Variants in GALNTL6 observed in about 807,000 individuals in gnomAD.
GALNTL6 encodes polypeptide N-acetylgalactosaminyltransferase-like 6.
GALNTL6 carries 46 observed loss-of-function variants against 73.7 expected under a neutral mutation model. That is an observed-to-expected ratio of 0.62 (90% CI 0.49 to 0.80). The LOEUF (loss-of-function observed/expected upper bound fraction) is 0.80, where lower values mean the gene tolerates loss of function less well. Among genes scored for constraint, GALNTL6 ranks in the 30% least tolerant of loss-of-function variants. The pLI is 0.00. For synonymous variants in GALNTL6, 259 were observed against 263.7 expected (o/e 0.98, Z 0.17); for missense variants, 604 against 755.0 (o/e 0.80, Z 2.34).
intron 5 of GALNTL6, among the ~76,000 whole-genome samples, chr4:172,377,267 A>C (rs1446880040): frequency 6.6e-6 from 1 of 152,192 alleles, no homozygotes; most frequent in Non-Finnish European, 1.5e-5. Context: ...AGCTAGACAC[A>C]GAGTGCTGAT....
intron 2 of GALNTL6, among the ~76,000 whole-genome samples, chr4:172,147,385 G>A (rs1694022826): frequency 6.6e-6 from 1 of 152,186 alleles, no homozygotes; most frequent in Admixed American, 6.5e-5. Context: ...AATGACCATG[G>A]GTTTGGCCAT....
intron 10 of GALNTL6, among the ~76,000 whole-genome samples, chr4:172,972,285 C>G (rs1750617134): frequency 6.6e-6 from 1 of 152,096 alleles, no homozygotes; most frequent in South Asian, 2.1e-4. Flanking sequence ...ACCATGTCAT[C>G]AATAATGTAG....
At chr4:172,626,249 T>TC (rs1329662850) in intron 5 of GALNTL6, among the ~76,000 whole-genome samples, 1 of 152,136 alleles carries the variant, frequency 6.6e-6, no homozygotes, top group African/African-American at 2.4e-5. Context: ...TAGCCAGCTA[T>TC]CCCAGCAACA....
intron 5 of GALNTL6, among the ~76,000 whole-genome samples, chr4:172,729,066 A>T (rs368692822): frequency 6.6e-6 from 1 of 151,986 alleles, no homozygotes; most frequent in African/African-American, 2.4e-5. Context: ...TAATTTGATT[A>T]TTTGGGTTTT....
intron 2 of GALNTL6, among the ~76,000 whole-genome samples, chr4:172,036,697 G>A (rs1421552518): frequency 6.6e-6 from 1 of 152,110 alleles, no homozygotes; most frequent in East Asian, 1.9e-4. Context: ...GGCAGTCATA[G>A]TCGTATAGCC....
At chr4:172,955,421 C>G (rs1194833395) in intron 10 of GALNTL6, among the ~76,000 whole-genome samples, 1 of 151,242 alleles carries the variant, frequency 6.6e-6, no homozygotes, top group African/African-American at 2.4e-5. Context: ...CCACTGCACT[C>G]CAGCCTGGGT....
At chr4:172,750,484 G>A (rs1737361248) in intron 5 of GALNTL6, among the ~76,000 whole-genome samples, 1 of 152,076 alleles carries the variant, frequency 6.6e-6, no homozygotes, top group African/African-American at 2.4e-5. Flanking sequence ...CCTACCAGGA[G>A]GTACTCTATT....
Position 172,870,052 on chromosome 4 carries a change from G to GTCATCA in GALNTL6, c.924-12701_924-12696dup, listed in dbSNP as rs55936018. ...TACATGGGTCCAGGTGACCTTTACT[G>GTCATCA]TCATCATCATCATCATCATCATCAT... On this transcript the variant is annotated intron_variant, in intron 7 of 12. Coordinates refer to ENST00000506823, the MANE Select transcript of GALNTL6 (RefSeq NM_001034845.3). Among the ~76,000 whole-genome samples the GTCATCA allele has an allele frequency of 8.9e-3, 1,271 of 143,130 alleles. 10 individuals carry two copies. The highest frequency in any genetic ancestry group is 0.052 in the East Asian group (257 of 4,938). 93.9% of individuals were successfully genotyped at this position (143,130 alleles called of 152,430 possible).
intron 5 of GALNTL6, among the ~76,000 whole-genome samples, chr4:172,500,054 T>A (rs1734206243): frequency 6.6e-6 from 1 of 152,118 alleles, no homozygotes; most frequent in Admixed American, 6.5e-5. Context: ...ATATATAAAC[T>A]TACAGGAAGC....
At chr4:173,036,226 C>T (rs982194912) in intron 12 of GALNTL6, among the ~76,000 whole-genome samples, 9 of 152,260 alleles carry the variant, frequency 5.9e-5, no homozygotes, top group Middle Eastern at 3.4e-3. Context: ...AATCACCTTC[C>T]TATATATAAT....
intron 2 of GALNTL6, among the ~76,000 whole-genome samples, chr4:171,838,719 C>A (rs759988468): frequency 6.6e-6 from 1 of 152,060 alleles, no homozygotes; most frequent in Admixed American, 6.6e-5. Flanking sequence ...AAGTGCTGGT[C>A]CAGGTTTGAA....
rs145142457 is a variant in GALNTL6 at position 171,940,907 on chromosome 4, T to G, written c.138+126189T>G. 1.7e-3 allele frequency among the ~76,000 whole-genome samples: 257 copies of G among 151,568 alleles called. 2 individuals carry two copies. Among genetic ancestry groups the G allele is most frequent in the Admixed American group, 0.012 (176 of 15,186 alleles). On this transcript the variant is annotated intron_variant, in intron 2 of 12. Transcript: ENST00000506823. ...ATTATAAGAAAATGTATAATCACTT[T>G]ATAAGAATGTTATCTCATATAATAC...
At chr4:172,057,882 G>A (rs912995717) in intron 2 of GALNTL6, among the ~76,000 whole-genome samples, 1 of 151,084 alleles carries the variant, frequency 6.6e-6, no homozygotes, top group African/African-American at 2.4e-5. Context: ...TTATTATGTG[G>A]ATACACACTT....
At chr4:171,879,594 TAAAC>T (rs1047765742) in intron 2 of GALNTL6, among the ~76,000 whole-genome samples, 7 of 152,176 alleles carry the variant, frequency 4.6e-5, no homozygotes, top group Non-Finnish European at 8.8e-5. Context: ...GTTTGTTCAA[TAAAC>T]AAACAACCAA....
Position 172,205,547 on chromosome 4 carries a change from G to A in GALNTL6, c.139-24109G>A, listed in dbSNP as rs574742882. Among the ~76,000 whole-genome samples, 4 of 152,252 alleles carry A rather than the reference G, an allele frequency of 2.6e-5. No homozygotes were observed. The South Asian group carries it at 8.3e-4, about 32-fold the overall frequency. On this transcript the variant is annotated intron_variant, in intron 2 of 12. Transcript: ENST00000506823. ...ATTAGATCCAGGATATTAAAAGCTA[G>A]GTCAAAGGACAGTTCTGACAAAGAA... is the stretch of plus-strand genomic sequence containing the variant.
chr4:172,116,472 T>C (rs919532833), intron 2 of GALNTL6, among the ~76,000 whole-genome samples: 1 of 152,144 alleles, frequency 6.6e-6, no homozygotes, highest in African/African-American at 2.4e-5. Flanking sequence ...TTTAGATGAC[T>C]GTTATCCAGG....
chr4:172,585,995 A>T (rs1473706113), intron 5 of GALNTL6, among the ~76,000 whole-genome samples: 1 of 152,214 alleles, frequency 6.6e-6, no homozygotes, highest in African/African-American at 2.4e-5. Context: ...GTGATTATGA[A>T]AAAGTCAGGA....
intron 7 of GALNTL6, among the ~76,000 whole-genome samples, chr4:172,856,540 A>G (rs560668685): frequency 6.6e-6 from 1 of 152,342 alleles, no homozygotes; most frequent in East Asian, 1.9e-4. Flanking sequence ...ATTGCACGGC[A>G]GGACCATTAT....
chr4:172,543,419 C>A (rs567048863), intron 5 of GALNTL6, among the ~76,000 whole-genome samples: 9 of 152,170 alleles, frequency 5.9e-5, no homozygotes, highest in Non-Finnish European at 1.3e-4. Flanking sequence ...ACATTTTAGG[C>A]TCCTGTGCGC....
Sources: gnomAD v4.1 joint callset for allele counts (sites outside exome capture counted in the v4.1 genomes callset) on GRCh38, gnomAD v4.1.1 for gene constraint, MANE v1.5 for transcripts, NCBI Gene and HGNC (gene_info 2026-07-23, HGNC 2026-07-21) for gene names.